The following PLGRKT variants were observed in gnomAD, a reference collection of about 807,000 sequenced individuals.
The protein encoded by PLGRKT is plasminogen receptor with a C-terminal lysine.
A neutral mutation model predicts 18.5 loss-of-function variants in PLGRKT; 22 were observed. The observed-to-expected ratio is 1.19, with a 90% confidence interval of 0.85 to 1.70. PLGRKT has a LOEUF of 1.70. Among genes scored for constraint, PLGRKT ranks in the 40% most tolerant of loss-of-function variants. The pLI, the probability that PLGRKT is intolerant of heterozygous loss-of-function variation, is 0.00. For missense variants in PLGRKT, 235 were observed against 174.4 expected (o/e 1.35, Z -1.96); for synonymous variants, 72 against 52.8 (o/e 1.36, Z -1.58).
At chr9:5,391,167 C>A (rs1340031550) in intron 3 of PLGRKT, among the ~76,000 whole-genome samples, 1 of 151,948 alleles carries the variant, frequency 6.6e-6, no homozygotes, top group Non-Finnish European at 1.5e-5. Flanking sequence ...GCATCATTAA[C>A]TTTATCTAAA....
intron 3 of PLGRKT, among the ~76,000 whole-genome samples, chr9:5,397,129 A>G (rs769092308): frequency 6.6e-6 from 1 of 151,998 alleles, no homozygotes. Flanking sequence ...TGCGAAGGCT[A>G]CAAAACGAAA....
intron 3 of PLGRKT, among the ~76,000 whole-genome samples, chr9:5,429,698 C>T (rs564560737): frequency 1.1e-4 from 16 of 152,148 alleles, no homozygotes; most frequent in Non-Finnish European, 1.9e-4. Flanking sequence ...ACTTGATTAC[C>T]TCTGTAAAGA....
chr9:5,415,036 G>C (rs1403473224), intron 3 of PLGRKT, among the ~76,000 whole-genome samples: 1 of 152,160 alleles, frequency 6.6e-6, no homozygotes, highest in Non-Finnish European at 1.5e-5. Context: ...CCAGAGCCCA[G>C]GTCTTGATTT....
chr9:5,371,456 C>G (rs72703664), intron 3 of PLGRKT, among the ~76,000 whole-genome samples: 8,073 of 152,248 alleles, frequency 0.053, 317 homozygotes, highest in Non-Finnish European at 0.074. Flanking sequence ...ATAACTCTCA[C>G]GAGATCTGAT....
chr9:5,427,841 G>A (rs1393269459), intron 3 of PLGRKT, among the ~76,000 whole-genome samples: 2 of 152,228 alleles, frequency 1.3e-5, no homozygotes, highest in Non-Finnish European at 2.9e-5. Context: ...CAGGACGTGA[G>A]AAGATTCCCA....
chr9:5,398,321 C>T (rs1212598240), intron 3 of PLGRKT, among the ~76,000 whole-genome samples: 1 of 151,846 alleles, frequency 6.6e-6, no homozygotes, highest in African/African-American at 2.4e-5. Context: ...CCTCCAGAAG[C>T]AATATGCTTT....
chr9:5,362,818 T>C (rs1445603415), intron 3 of PLGRKT, among the ~76,000 whole-genome samples: 1 of 151,814 alleles, frequency 6.6e-6, no homozygotes, highest in Non-Finnish European at 1.5e-5. Flanking sequence ...ATTTGGGAGG[T>C]TAAATCACCA....
chr9:5,368,456 T>C (rs1817443707), intron 3 of PLGRKT, among the ~76,000 whole-genome samples: 1 of 152,130 alleles, frequency 6.6e-6, no homozygotes, highest in Admixed American at 6.6e-5. Context: ...CTGGAGGCCA[T>C]TATCCTAAGT....
At chr9:5,362,518 A>G (rs1817289893) in intron 3 of PLGRKT, among the ~76,000 whole-genome samples, 1 of 152,226 alleles carries the variant, frequency 6.6e-6, no homozygotes, top group Non-Finnish European at 1.5e-5. Context: ...AATACTCAGG[A>G]GAAGCAACTG....
chr9:5,400,012 AAATAAAT>A lies in PLGRKT; in HGVS notation c.81+31878_81+31884del, dbSNP rs1397606795. Among the ~76,000 whole-genome samples the A allele has an allele frequency of 1.8e-4, 28 of 151,824 alleles. 2 individuals are homozygous for A. The highest frequency in any genetic ancestry group is 6.8e-4 in the African/African-American group (28 of 41,168). On this transcript the variant is annotated intron_variant, in intron 3 of 5. Transcript: ENST00000223864. The stretch of plus-strand genomic sequence containing the variant: ...CTCAAAAAAAATAAATGAAATAAAT[AAATAAAT>A]AAAGTGTTATTCTAATCAGCTCTTA...
intron 3 of PLGRKT, among the ~76,000 whole-genome samples, chr9:5,400,784 T>C (rs954889584): frequency 6.6e-6 from 1 of 152,030 alleles, no homozygotes; most frequent in African/African-American, 2.4e-5. Flanking sequence ...TTTGGGGTTC[T>C]ATCCTTAACA....
intron 3 of PLGRKT, among the ~76,000 whole-genome samples, chr9:5,386,209 T>G (rs765552690): frequency 6.6e-6 from 1 of 151,902 alleles, no homozygotes; most frequent in Non-Finnish European, 1.5e-5. Flanking sequence ...CTTGCTGGCC[T>G]GCATGCAGGA....
At chr9:5,421,290 T>A (rs1336948347) in intron 3 of PLGRKT, among the ~76,000 whole-genome samples, 1 of 152,236 alleles carries the variant, frequency 6.6e-6, no homozygotes, top group African/African-American at 2.4e-5. Context: ...TGGCTCACTT[T>A]GTCATTTCCC....
chr9:5,385,757 C>T (rs1481180903), intron 3 of PLGRKT, among the ~76,000 whole-genome samples: 4 of 151,832 alleles, frequency 2.6e-5, no homozygotes, highest in Admixed American at 6.6e-5. Flanking sequence ...CAATTCTCCA[C>T]GGATCTCCCA....
At chr9:5,365,848 T>A (rs1019360886) in intron 3 of PLGRKT, among the ~76,000 whole-genome samples, 1 of 152,142 alleles carries the variant, frequency 6.6e-6, no homozygotes, top group Non-Finnish European at 1.5e-5. Flanking sequence ...AAACTAGTCA[T>A]GAACAAATAT....
intron 2 of PLGRKT, 23 bp downstream of exon 2, chr9:5,436,546 G>C (rs528544645): frequency 6.6e-6 from 1 of 152,348 alleles, no homozygotes; most frequent in African/African-American, 2.4e-5. Context: ...AACACTGTCT[G>C]GGAAGTTAGT....
At chr9:5,417,220 G>A (rs1417843954) in intron 3 of PLGRKT, among the ~76,000 whole-genome samples, 1 of 152,150 alleles carries the variant, frequency 6.6e-6, no homozygotes, top group South Asian at 2.1e-4. Context: ...TTCTTTATCT[G>A]AGCCAGTTAA....
intron 3 of PLGRKT, among the ~76,000 whole-genome samples, chr9:5,428,385 C>T (rs1586745929): frequency 1.3e-5 from 2 of 152,148 alleles, no homozygotes; most frequent in Non-Finnish European, 2.9e-5. Flanking sequence ...GGACTGGACA[C>T]GAGTGCCAAA....
rs1312269297 is a variant in PLGRKT, at chr9:5,402,121, T to C, written c.81+29776A>G. On this transcript the variant is annotated intron_variant, in intron 3 of 5. Transcript: ENST00000223864. ...AATTACTTTAAATGTACATTTTTAGTGTTCCTGAATAATGCAGGTTTCTGT... is the reference window on the plus strand; with the variant it reads ...AATTACTTTAAATGTACATTTTTAGCGTTCCTGAATAATGCAGGTTTCTGT... Among the ~76,000 whole-genome samples the C allele has an allele frequency of 2.0e-5, 3 of 151,988 alleles. 1 individual carries two copies. The highest frequency in any genetic ancestry group is 7.3e-5 in the African/African-American group (3 of 41,224).
Sources: allele counts gnomAD v4.1 joint callset (sites outside exome capture counted in the v4.1 genomes callset), GRCh38; gene constraint gnomAD v4.1.1; transcripts MANE v1.5; gene names NCBI Gene and HGNC (gene_info 2026-07-23, HGNC 2026-07-21).